The following KAZN variants were observed in gnomAD, a reference collection of about 807,000 sequenced individuals.
KAZN encodes the protein kazrin.
KAZN carries 40 observed loss-of-function variants against 87.4 expected under a neutral mutation model. That is an observed-to-expected ratio of 0.46 (90% CI 0.36 to 0.60). The LOEUF (loss-of-function observed/expected upper bound fraction) is 0.60, where lower values mean the gene tolerates loss of function less well. Among genes scored for constraint, KAZN ranks in the 20% least tolerant of loss-of-function variants. The pLI is 0.00. For synonymous variants in KAZN, 466 were observed against 458.3 expected (o/e 1.02, Z -0.22); for missense variants, 898 against 1,073.9 (o/e 0.84, Z 2.29).
chr1:15,046,973 C>G (rs1204283048), intron 4 of KAZN, among the ~76,000 whole-genome samples: 2 of 152,300 alleles, frequency 1.3e-5, no homozygotes, highest in East Asian at 3.9e-4. Context: ...TCTTTCTGGC[C>G]TAGAAACCAG....
At chr1:14,477,331 T>A (rs1571745781) in intron 2 of KAZN, among the ~76,000 whole-genome samples, 1 of 152,130 alleles carries the variant, frequency 6.6e-6, no homozygotes, top group East Asian at 1.9e-4. Context: ...ATGGGGACTG[T>A]AAATCCTTTA....
intron 2 of KAZN, 96 bp downstream of exon 2, chr1:14,960,971 AG>A: frequency 7.6e-7 from 1 of 1,321,624 alleles, no homozygotes; most frequent in Non-Finnish European, 1.0e-6. Context: ...AGATGGACAC[AG>A]GGGTCTCCCA....
intron 2 of KAZN, among the ~76,000 whole-genome samples, chr1:14,403,016 G>A (rs761514922): frequency 2.0e-5 from 3 of 152,152 alleles, no homozygotes; most frequent in South Asian, 2.1e-4. Context: ...TAGTAGAGAC[G>A]AGGTTTCGCC....
chr1:14,103,394 A>C (rs543837664), intron 1 of KAZN, among the ~76,000 whole-genome samples: 38 of 152,350 alleles, frequency 2.5e-4, no homozygotes, highest in Middle Eastern at 3.4e-3. Context: ...GACACAATTC[A>C]GCCCATACCA....
chr1:14,050,272 G>A (rs979551181), intron 1 of KAZN, among the ~76,000 whole-genome samples: 1 of 152,228 alleles, frequency 6.6e-6, no homozygotes, highest in African/African-American at 2.4e-5. Flanking sequence ...ACATGTGTTT[G>A]CATACTATAA....
At chr1:14,645,692 A>T (rs993609044) in intron 1 of KAZN, among the ~76,000 whole-genome samples, 1 of 152,232 alleles carries the variant, frequency 6.6e-6, no homozygotes, top group Non-Finnish European at 1.5e-5. Flanking sequence ...TCGTCTGCCA[A>T]CAGGGGTAGT....
chr1:13,959,974 C>T (rs1469408625), intron 1 of KAZN, among the ~76,000 whole-genome samples: 2 of 152,086 alleles, frequency 1.3e-5, no homozygotes, highest in African/African-American at 2.4e-5. Context: ...GAAACGGATA[C>T]AGACTATTCC....
rs140119161 is a variant in KAZN at position 14,320,494 on chromosome 1, C to G, written c.249+139902C>G. The stretch of plus-strand genomic sequence containing the variant: ...AAATGATCACAGGGATTGTATTTCT[C>G]TACCCTACACACCTGCAACCCCCCA... On this transcript the variant is annotated intron_variant, in intron 2 of 16. Coordinates refer to the KAZN transcript ENST00000636203. 5.1e-3 allele frequency among the ~76,000 whole-genome samples: 771 copies of G among 152,162 alleles called. 9 individuals carry two copies. Among genetic ancestry groups the G allele is most frequent in the African/African-American group, 0.018 (736 of 41,500 alleles).
At chr1:14,195,687 C>T (rs554661280) in intron 2 of KAZN, among the ~76,000 whole-genome samples, 4 of 152,182 alleles carry the variant, frequency 2.6e-5, no homozygotes, top group East Asian at 3.9e-4. Context: ...TTAATATCCT[C>T]GGAGAAATAA....
At chr1:14,559,436 G>A (rs973145644) in intron 2 of KAZN, among the ~76,000 whole-genome samples, 2 of 152,260 alleles carry the variant, frequency 1.3e-5, no homozygotes, top group African/African-American at 4.8e-5. Context: ...TGGCACCTCT[G>A]GGAAAACTGC....
chr1:14,467,349 G>C (rs535522060), intron 2 of KAZN, among the ~76,000 whole-genome samples: 92 of 147,290 alleles, frequency 6.2e-4, no homozygotes, highest in Non-Finnish European at 1.2e-3. Flanking sequence ...AAAACAACAA[G>C]GAAAATAAAA....
chr1:15,069,767 T>C (rs1639425371), intron 8 of KAZN, among the ~76,000 whole-genome samples: 1 of 152,234 alleles, frequency 6.6e-6, no homozygotes, highest in South Asian at 2.1e-4. Flanking sequence ...GGCACTGCAT[T>C]ACTCCAGAAG....
chr1:14,653,422 C>T (rs540346895), intron 1 of KAZN, among the ~76,000 whole-genome samples: 61 of 152,280 alleles, frequency 4.0e-4, no homozygotes, highest in Middle Eastern at 3.4e-3. Flanking sequence ...ACAATGGGGT[C>T]CCTGAAGGAG....
intron 3 of KAZN, among the ~76,000 whole-genome samples, chr1:15,037,464 G>A (rs1037243237): frequency 6.6e-6 from 1 of 152,142 alleles, no homozygotes; most frequent in Non-Finnish European, 1.5e-5. Flanking sequence ...ACTCTCCCCG[G>A]TCTCAGCCTT....
intron 1 of KAZN, among the ~76,000 whole-genome samples, chr1:13,911,447 C>G (rs1043798339): frequency 6.6e-6 from 1 of 152,154 alleles, no homozygotes; most frequent in African/African-American, 2.4e-5. Context: ...CCCCATGACC[C>G]AAACACCTCT....
In KAZN at chr1:14,310,693, G is replaced by T. The variant is rs1253179177; in HGVS notation, c.249+130101G>T. Among the ~76,000 whole-genome samples, 5 of 152,190 alleles carry T rather than the reference G, an allele frequency of 3.3e-5. 1 individual carries two copies. The highest frequency in any genetic ancestry group is 3.3e-4 in the Admixed American group (5 of 15,282). ...TTTACTCGCAATTTCTATGCAGAGC[G>T]TTTCGTCTGTGCTTGCATTCAGAGG... On this transcript the variant is annotated intron_variant, in intron 2 of 16. Coordinates refer to the KAZN transcript ENST00000636203.
intron 1 of KAZN, among the ~76,000 whole-genome samples, chr1:14,164,782 G>A (rs933282793): frequency 4.6e-5 from 7 of 151,878 alleles, no homozygotes; most frequent in African/African-American, 1.2e-4. Flanking sequence ...CAGGTGATCC[G>A]CCTGCCTCGG....
At chr1:14,672,198 A>G (rs1639958055) in intron 1 of KAZN, among the ~76,000 whole-genome samples, 1 of 152,064 alleles carries the variant, frequency 6.6e-6, no homozygotes, top group African/African-American at 2.4e-5. Context: ...CTCTGAGCTC[A>G]TTTGCATTCC....
chr1:14,369,758 ACGTCCCCATG>A (rs1476108678), intron 2 of KAZN, among the ~76,000 whole-genome samples: 2 of 152,176 alleles, frequency 1.3e-5, no homozygotes, highest in Non-Finnish European at 2.9e-5. Context: ...AGTAAGCCCA[ACGTCCCCATG>A]CACCTGTAGG....
Sources: gnomAD v4.1 joint callset for allele counts (sites outside exome capture counted in the v4.1 genomes callset) on GRCh38, gnomAD v4.1.1 for gene constraint, MANE v1.5 for transcripts, NCBI Gene and HGNC (gene_info 2026-07-23, HGNC 2026-07-21) for gene names.